Variants in DYSF observed in about 807,000 individuals in gnomAD.
The protein encoded by DYSF is dysferlin, also known as dystrophy-associated fer-1-like 1.
DYSF carries 212 observed loss-of-function variants against 274.9 expected under a neutral mutation model. That is an observed-to-expected ratio of 0.77 (90% CI 0.69 to 0.86). The LOEUF (loss-of-function observed/expected upper bound fraction) is 0.86. Ranked by LOEUF, DYSF falls within the 40% of genes least tolerant of loss-of-function variation. DYSF has a pLI of 0.00. For synonymous variants in DYSF, 1,091 were observed against 1,078.7 expected (o/e 1.01, Z -0.22); for missense variants, 2,666 against 2,783.2 (o/e 0.96, Z 0.95).
chr2:71,622,146 T>TTTTTTTTTTTTTTTC (rs70963104), intron 41 of DYSF, among the ~76,000 whole-genome samples: 1 of 150,190 alleles, frequency 6.7e-6, no homozygotes, highest in African/African-American at 2.4e-5. Context: ...TTTTTTTTTT[T>TTTTTTTTTTTTTTTC]GTTACGCCCA....
At chr2:71,634,118 C>T (rs559565270) in intron 41 of DYSF, among the ~76,000 whole-genome samples, 3 of 152,228 alleles carry the variant, frequency 2.0e-5, no homozygotes, top group South Asian at 4.2e-4. Flanking sequence ...ATGCCTTGGT[C>T]GGACTTACTG....
chr2:71,543,960 G>GGGAGAC (rs565659211), intron 17 of DYSF, among the ~76,000 whole-genome samples: 1 of 151,432 alleles, frequency 6.6e-6, no homozygotes, highest in East Asian at 1.9e-4. Context: ...GAGAGGGAGA[G>GGGAGAC]GGAGACGGAG....
At chr2:71,498,062 T>C (rs2084593113) in intron 3 of DYSF, among the ~76,000 whole-genome samples, 1 of 152,138 alleles carries the variant, frequency 6.6e-6, no homozygotes, top group African/African-American at 2.4e-5. Context: ...TGTTGAGGCC[T>C]GGGGAGTTTC....
chr2:71,669,481 C>A, intron 50 of DYSF, 124 bp from the exon 51 acceptor site: 1 of 1,264,486 alleles, frequency 7.9e-7, no homozygotes, highest in Non-Finnish European at 1.1e-6. Context: ...GTGCCGATTT[C>A]CTGGGAATTC....
chr2:71,636,773 G>C (rs2094410172), intron 41 of DYSF, among the ~76,000 whole-genome samples: 1 of 151,994 alleles, frequency 6.6e-6, no homozygotes, highest in African/African-American at 2.4e-5. Flanking sequence ...AGAGAGGATG[G>C]GCTCAAGCAC....
intron 1 of DYSF, among the ~76,000 whole-genome samples, chr2:71,459,207 A>G (rs10166070): frequency 0.17 from 25,862 of 152,246 alleles, 2,495 homozygotes; most frequent in Non-Finnish European, 0.22. Flanking sequence ...TCTAAAGGTC[A>G]GTGTCACTGA....
intron 41 of DYSF, among the ~76,000 whole-genome samples, chr2:71,623,258 C>A (rs922374780): frequency 2.0e-5 from 3 of 151,788 alleles, no homozygotes; most frequent in Non-Finnish European, 4.4e-5. Context: ...ATGTGCCATG[C>A]TGGTGCGCTG....
rs767584167 is a variant in DYSF at position 71,466,873 on chromosome 2, A to G, written c.31A>G (p.Asn11Asp). 1.3e-6 allele frequency: 2 copies of G among 1,547,962 alleles called. No individual in the cohort carries two copies. Among genetic ancestry groups the G allele is most frequent in the South Asian group, 2.4e-5 (2 of 83,972 alleles). Reference sequence around the variant, plus strand: ...GTGCTGCCTGCTGGTGAGGGCCAGCAACCTCCCCAGTGCGAAGAAGGACCG... The same window carrying G: ...GTGCTGCCTGCTGGTGAGGGCCAGCGACCTCCCCAGTGCGAAGAAGGACCG... MLCCLLVRAS[N>D]LPSAKKDRRS... Residue 11 changes from asparagine to aspartate, a missense_variant, in exon 1 of 56, where the codon AAC (asparagine) becomes GAC (aspartate). By Grantham distance (23) the Asn-to-Asp change is conservative (BLOSUM62 1). Around this residue, in one of 3 missense-constraint regions of DYSF, gnomAD observed 794 missense variants for 777.1 expected, o/e 1.02. Transcript: ENST00000410020.
upstream of DYSF, among the ~76,000 whole-genome samples, chr2:71,463,940 T>G (rs1439215931): frequency 6.6e-6 from 1 of 152,130 alleles, no homozygotes; most frequent in African/African-American, 2.4e-5. Context: ...AATGTCCGCC[T>G]CATCTTGAGG....
At chr2:71,639,675 A>G (rs959978993) in intron 41 of DYSF, among the ~76,000 whole-genome samples, 36 of 152,160 alleles carry the variant, frequency 2.4e-4, no homozygotes, top group African/African-American at 8.7e-4. Context: ...GTTGCTTCCA[A>G]TTTTTCACTT....
chr2:71,568,148 G>C, intron 25 of DYSF, 24 bp from the exon 26 acceptor site: 1 of 1,614,174 alleles, frequency 6.2e-7, no homozygotes, highest in Non-Finnish European at 8.5e-7. Flanking sequence ...CCCTGCTCAC[G>C]CCTCATTCTT....
At chr2:71,583,824 T>A (rs2092975021) in intron 30 of DYSF, among the ~76,000 whole-genome samples, 1 of 152,168 alleles carries the variant, frequency 6.6e-6, no homozygotes, top group Admixed American at 6.5e-5. Context: ...CTGGCTGTGG[T>A]CCTTGGATAT....
Position 71,526,358 on chromosome 2 carries a change from G to T in DYSF, c.1276+12G>T. The T allele has an allele frequency of 6.2e-7, 1 of 1,612,334 alleles. No homozygotes were observed. The highest frequency in any genetic ancestry group is 8.5e-7 in the Non-Finnish European group (1 of 1,178,824). ...GGACTTGCCGCAGAGTGCGTGGGGC[G>T]CGCCCTTGGGTGGGAGGTCTGCAGG... On this transcript the variant is annotated intron_variant, in intron 13 of 55. Coordinates refer to ENST00000410020, the MANE Select transcript of DYSF (RefSeq NM_001130987.2).
chr2:71,552,879 C>A, intron 19 of DYSF, 132 bp from the exon 20 acceptor site: 1 of 873,062 alleles, frequency 1.1e-6, no homozygotes, highest in Non-Finnish European at 1.9e-6. Flanking sequence ...GGGCTACTTG[C>A]CACCCGTCAG....
intron 51 of DYSF, among the ~76,000 whole-genome samples, chr2:71,671,676 C>T (rs1045984980): frequency 6.6e-6 from 1 of 152,190 alleles, no homozygotes; most frequent in Non-Finnish European, 1.5e-5. Flanking sequence ...GAGGGAGGGA[C>T]ACAGAGAGAT....
At chr2:71,455,778 C>G (rs1457756919) in intron 1 of DYSF, among the ~76,000 whole-genome samples, 2 of 152,138 alleles carry the variant, frequency 1.3e-5, no homozygotes, top group Admixed American at 1.3e-4. Flanking sequence ...CACTCAGCTG[C>G]AGCAGCCCCT....
At chr2:71,473,275 G>A (rs62143761) in intron 1 of DYSF, among the ~76,000 whole-genome samples, 49,415 of 152,068 alleles carry the variant, frequency 0.32, 8,204 homozygotes, top group Non-Finnish European at 0.35. Flanking sequence ...CCACGCTAGG[G>A]CCATCTTTTC....
At chr2:71,589,722 G>A (rs747375628) in intron 31 of DYSF, 36 bp downstream of exon 31, 48 of 1,549,912 alleles carry the variant, frequency 3.1e-5, no homozygotes, top group African/African-American at 5.4e-5. Flanking sequence ...GGGGTGATAA[G>A]GGTGTGTCAC....
rs746129748 is a variant in DYSF, at chr2:71,660,579, TC to T, written c.4932del (p.Ser1645ProfsTer2). 1 of 1,614,016 alleles carries T rather than the reference TC, an allele frequency of 6.2e-7. No individual in the cohort carries two copies. The highest frequency in any genetic ancestry group is 1.1e-5 in the South Asian group (1 of 91,070). Reference sequence around the variant, plus strand: ...CTCCAGTGTGATCCTTACATCAAGATCTCCATAGGGAAGAAATCAGTGAGTG... The same window carrying T: ...CTCCAGTGTGATCCTTACATCAAGATTCCATAGGGAAGAAATCAGTGAGTG... ...PNGKCDPYIK[I>X]SIGKKSVSDQ... On this transcript the variant is annotated frameshift_variant, in exon 45 of 56. Transcript: ENST00000410020. LOFTEE classifies it high-confidence loss of function.
Sources: gnomAD v4.1 joint callset for allele counts (sites outside exome capture counted in the v4.1 genomes callset) on GRCh38, gnomAD v4.1.1 for gene constraint, gnomAD v4.1.1 regional missense constraint, MANE v1.5 for transcripts, NCBI Gene and HGNC (gene_info 2026-07-23, HGNC 2026-07-21) for gene names.